The following CTNNA3 variants were observed in gnomAD, a reference collection of about 807,000 sequenced individuals.
The protein encoded by CTNNA3 is catenin alpha-3.
CTNNA3 carries 76 observed loss-of-function variants against 95.7 expected under a neutral mutation model. The observed-to-expected ratio is 0.79, with a 90% CI of 0.66 to 0.96. CTNNA3 has a LOEUF of 0.96. Among genes scored for constraint, CTNNA3 ranks in the 40% least tolerant of loss-of-function variants. CTNNA3 has a pLI of 0.00. For synonymous variants in CTNNA3, 431 were observed against 374.4 expected (o/e 1.15, Z -1.74); for missense variants, 1,191 against 1,089.8 (o/e 1.09, Z -1.31).
At chr10:67,532,050 T>G (rs890472480) in intron 4 of CTNNA3, among the ~76,000 whole-genome samples, 2 of 152,154 alleles carry the variant, frequency 1.3e-5, no homozygotes, top group African/African-American at 4.8e-5. Context: ...ATGGAATCCA[T>G]GTGGAACTGT....
intron 4 of CTNNA3, among the ~76,000 whole-genome samples, chr10:67,538,994 T>C (rs1840576083): frequency 6.6e-6 from 1 of 152,208 alleles, no homozygotes; most frequent in African/African-American, 2.4e-5. Flanking sequence ...TTACTCATAT[T>C]AAATACATGT....
chr10:65,923,923 T>C (rs547369699), intron 17 of CTNNA3, among the ~76,000 whole-genome samples: 1 of 152,106 alleles, frequency 6.6e-6, no homozygotes. Context: ...AAAGCTAATT[T>C]TTTTCTGAAG....
At chr10:66,865,326 C>T (rs192107448) in intron 7 of CTNNA3, among the ~76,000 whole-genome samples, 3 of 151,668 alleles carry the variant, frequency 2.0e-5, no homozygotes, top group South Asian at 2.1e-4. Context: ...AGTAGAAATA[C>T]GGTCAGAGTA....
intron 12 of CTNNA3, among the ~76,000 whole-genome samples, chr10:66,311,374 AG>A (rs2092018449): frequency 6.6e-6 from 1 of 152,222 alleles, no homozygotes; most frequent in Non-Finnish European, 1.5e-5. Flanking sequence ...CCCAGGTGTA[AG>A]GCAAAGCTGA....
intron 14 of CTNNA3, among the ~76,000 whole-genome samples, chr10:66,099,420 AT>A (rs1482898054): frequency 6.6e-6 from 1 of 152,182 alleles, no homozygotes; most frequent in East Asian, 1.9e-4. Context: ...TATAAATGTC[AT>A]TTTATTATTA....
intron 1 of CTNNA3, among the ~76,000 whole-genome samples, chr10:67,682,871 TACATAC>T (rs1840653451): frequency 6.6e-6 from 1 of 152,156 alleles, no homozygotes; most frequent in Non-Finnish European, 1.5e-5. Flanking sequence ...TAAATTCTGC[TACATAC>T]ACAGAGTAAA....
intron 12 of CTNNA3, among the ~76,000 whole-genome samples, chr10:66,331,231 A>C (rs2092324224): frequency 6.6e-6 from 1 of 151,346 alleles, no homozygotes. Flanking sequence ...TCAAGCTTGA[A>C]TTAATTTGTG....
At chr10:66,685,993 C>A (rs994513331) in intron 9 of CTNNA3, among the ~76,000 whole-genome samples, 1 of 152,076 alleles carries the variant, frequency 6.6e-6, no homozygotes, top group African/African-American at 2.4e-5. Flanking sequence ...ATCATTTGAT[C>A]TACTTATATA....
Position 67,236,502 on chromosome 10 carries a change from G to A in CTNNA3, c.580-16632C>T, listed in dbSNP as rs1248757104. Among the ~76,000 whole-genome samples the A allele has an allele frequency of 2.1e-5, 3 of 143,916 alleles. No homozygotes were observed. The East Asian group carries it at 6.5e-4, about 31-fold the overall frequency. 94.4% of individuals were successfully genotyped at this position (143,916 alleles called of 152,430 possible). A position where few individuals can be genotyped will look rare whatever the true frequency, so the allele number is the denominator to read the frequency against. The stretch of plus-strand genomic sequence containing the variant: ...CAGGAAGGGGAACATCACACTCTGG[G>A]GACTGTTGTGGGGTGGGGGGGGTGG... On this transcript the variant is annotated intron_variant, in intron 5 of 17. Coordinates refer to ENST00000433211, the MANE Select transcript of CTNNA3 (RefSeq NM_013266.4).
chr10:66,276,755 GTAGGTC>G (rs2091406617), intron 13 of CTNNA3, among the ~76,000 whole-genome samples: 1 of 152,056 alleles, frequency 6.6e-6, no homozygotes, highest in Non-Finnish European at 1.5e-5. Flanking sequence ...ATTAGCTTCA[GTAGGTC>G]TAGTAAGTAC....
At chr10:66,688,343 T>C (rs1210841990) in intron 9 of CTNNA3, among the ~76,000 whole-genome samples, 1 of 152,128 alleles carries the variant, frequency 6.6e-6, no homozygotes, top group African/African-American at 2.4e-5. Flanking sequence ...GCCCTCATGA[T>C]TTTCTAGTCA....
rs1281125934 is a variant in CTNNA3, at chr10:67,726,852, T to C, written c.-2+36582A>G. 7.9e-5 allele frequency among the ~76,000 whole-genome samples: 9 copies of C among 113,640 alleles called. No individual in the cohort carries two copies. In the South Asian group the frequency reaches 2.2e-3, roughly 28 times the overall value. 74.6% of individuals were successfully genotyped at this position (113,640 alleles called of 152,430 possible). On this transcript the variant is annotated intron_variant, in intron 1 of 17. Transcript: ENST00000684154. ...TATCATATATAATATATAGTATAAT[T>C]ATACATTATATATAATTATATATTA...
intron 14 of CTNNA3, among the ~76,000 whole-genome samples, chr10:66,102,270 C>G (rs184842244): frequency 6.6e-6 from 1 of 152,160 alleles, no homozygotes; most frequent in Admixed American, 6.5e-5. Context: ...GTTGCTGCTG[C>G]TATTACTACT....
intron 1 of CTNNA3, among the ~76,000 whole-genome samples, chr10:67,746,387 G>A (rs185813812): frequency 3.3e-5 from 5 of 152,268 alleles, no homozygotes; most frequent in African/African-American, 1.2e-4. Flanking sequence ...GAATGAAACT[G>A]AGGGAGTGGG....
intron 9 of CTNNA3, among the ~76,000 whole-genome samples, chr10:66,626,650 T>C (rs1234834929): frequency 6.6e-6 from 1 of 152,096 alleles, no homozygotes. Context: ...GAATACAGAA[T>C]GGCAAATATA....
chr10:66,564,072 C>G (rs776088048), intron 10 of CTNNA3, among the ~76,000 whole-genome samples: 1 of 152,064 alleles, frequency 6.6e-6, no homozygotes, highest in Non-Finnish European at 1.5e-5. Flanking sequence ...CCTCCTTAAC[C>G]TTGGCAAAAC....
At chr10:67,679,645 CTT>C (rs1840590906) in intron 1 of CTNNA3, among the ~76,000 whole-genome samples, 1 of 152,164 alleles carries the variant, frequency 6.6e-6, no homozygotes, top group African/African-American at 2.4e-5. Context: ...AGTAAACTAA[CTT>C]AATTTTCTTC....
intron 3 of CTNNA3, among the ~76,000 whole-genome samples, chr10:67,558,863 G>A (rs191856147): frequency 1.0e-3 from 157 of 152,316 alleles, no homozygotes; most frequent in African/African-American, 3.4e-3. Flanking sequence ...AGGGTCCTAC[G>A]CCCACGGAGT....
At chr10:66,552,422 A>C (rs1349029330) in intron 10 of CTNNA3, among the ~76,000 whole-genome samples, 1 of 152,296 alleles carries the variant, frequency 6.6e-6, no homozygotes, top group South Asian at 2.1e-4. Context: ...ACACATGCAC[A>C]CAACAGGAAA....
Sources: gnomAD v4.1 joint callset for allele counts (sites outside exome capture counted in the v4.1 genomes callset) on GRCh38, gnomAD v4.1.1 for gene constraint, MANE v1.5 for transcripts, NCBI Gene and HGNC (gene_info 2026-07-23, HGNC 2026-07-21) for gene names.